The following KCNH8 variants were observed in gnomAD, a reference collection of about 807,000 sequenced individuals.
The protein encoded by KCNH8 is voltage-gated delayed rectifier potassium channel KCNH8.
KCNH8 carries 70 observed loss-of-function variants against 103.6 expected under a neutral mutation model. The ratio of observed to expected loss-of-function variants is 0.68; its 90% CI spans 0.56 to 0.82. The LOEUF is 0.82. Among genes scored for constraint, KCNH8 ranks in the 40% least tolerant of loss-of-function variants. The probability of loss-of-function intolerance (pLI) is 0.00; values close to 1 mark genes in which losing one functional copy is unlikely to be tolerated. For synonymous variants in KCNH8, 498 were observed against 489.4 expected (o/e 1.02, Z -0.23); for missense variants, 1,217 against 1,329.9 (o/e 0.92, Z 1.32).
intron 11 of KCNH8, among the ~76,000 whole-genome samples, chr3:19,497,119 T>C (rs2068459552): frequency 6.6e-6 from 1 of 152,148 alleles, no homozygotes; most frequent in South Asian, 2.1e-4. Context: ...TTTCTAATTG[T>C]GTTTATTTGG....
chr3:19,185,218 A>G, intron 1 of KCNH8, among the ~76,000 whole-genome samples: 1 of 151,974 alleles, frequency 6.6e-6, no homozygotes, highest in South Asian at 2.1e-4. Flanking sequence ...TATTTTTTAG[A>G]GTGGCAATAC....
intron 1 of KCNH8, among the ~76,000 whole-genome samples, chr3:19,168,711 C>T (rs1201046806): frequency 6.6e-6 from 1 of 152,136 alleles, no homozygotes; most frequent in African/African-American, 2.4e-5. Flanking sequence ...ATTCGTGTAA[C>T]TATCGTTTTC....
chr3:19,316,832 A>G (rs527352202), intron 3 of KCNH8, among the ~76,000 whole-genome samples: 1 of 151,958 alleles, frequency 6.6e-6, no homozygotes, highest in Admixed American at 6.6e-5. Flanking sequence ...CAGATTGCCT[A>G]CTTTTCCTTA....
At chr3:19,348,047 A>G (rs192471903) in intron 5 of KCNH8, 82 bp downstream of exon 5, 2 of 1,517,832 alleles carry the variant, frequency 1.3e-6, no homozygotes, top group Admixed American at 1.8e-5. Flanking sequence ...ATGAATTTGA[A>G]CTAAGATCCA....
intron 1 of KCNH8, among the ~76,000 whole-genome samples, chr3:19,202,912 A>G (rs1038062646): frequency 1.3e-5 from 2 of 152,142 alleles, no homozygotes; most frequent in Non-Finnish European, 2.9e-5. Flanking sequence ...CTACACACAT[A>G]TCACTAACCA....
At chr3:19,458,162 A>G (rs925496736) in intron 11 of KCNH8, among the ~76,000 whole-genome samples, 1 of 152,040 alleles carries the variant, frequency 6.6e-6, no homozygotes. Context: ...TGGCTGGGTC[A>G]GAGTTTCAAC....
chr3:19,247,849 C>T (rs141135904), intron 1 of KCNH8, among the ~76,000 whole-genome samples: 4 of 152,180 alleles, frequency 2.6e-5, no homozygotes, highest in Non-Finnish European at 5.9e-5. Flanking sequence ...TTATTACACT[C>T]GGTGCTGAGA....
chr3:19,371,356 G>T lies in KCNH8; in HGVS notation c.812-19125G>T, dbSNP rs1424270867. ...GGTTTTGACTTGCATTTCTCTGATG[G>T]CCAGTGATGATAAGCATTTTTTCAT... On this transcript the variant is annotated intron_variant, in intron 5 of 15. Coordinates refer to ENST00000328405, the MANE Select transcript of KCNH8 (RefSeq NM_144633.3). Among the ~76,000 whole-genome samples, 9 of 152,130 alleles carry T rather than the reference G, an allele frequency of 5.9e-5. No homozygotes were observed. In the South Asian group the frequency reaches 1.0e-3, roughly 18 times the overall value.
chr3:19,211,113 T>A (rs1210098172), intron 1 of KCNH8, among the ~76,000 whole-genome samples: 1 of 152,154 alleles, frequency 6.6e-6, no homozygotes, highest in Non-Finnish European at 1.5e-5. Flanking sequence ...TCTCATTTTT[T>A]AAAGTACATG....
rs1485976386 is a variant in KCNH8 at position 19,518,085 on chromosome 3, CT to C, written c.2619+14del. On this transcript the variant is annotated intron_variant, in intron 15 of 15. Coordinates refer to ENST00000328405, the MANE Select transcript of KCNH8 (RefSeq NM_144633.3). ...AAACTCAACAGTGAGGTATGGAGCT[CT>C]TTCTTTGGTCATGCCTAAATGGTAA... 3.7e-6 allele frequency: 6 copies of C among 1,604,928 alleles called. No homozygotes were observed. The highest frequency in any genetic ancestry group is 1.3e-5 in the African/African-American group (1 of 74,668).
chr3:19,395,155 C>G lies in KCNH8; in HGVS notation c.1021C>G (p.Leu341Val). Residue 341 changes from leucine to valine, a missense_variant, in exon 7 of 16, where the codon CTG becomes GTG. Leu to Val is a conservative substitution (Grantham distance 32). This residue lies in a region of KCNH8 where 415 missense variants were observed against 577.4 expected (regional missense o/e 0.72). Coordinates refer to ENST00000328405, the MANE Select transcript of KCNH8 (RefSeq NM_144633.3). ...AGTGCGCCTCTTGCGTCTTTTGCGT[C>G]TGCTGCAGAAGTTAGACCGCTATTC... Reference protein sequence around the residue: ...KTVRLLRLLRLLQKLDRYSQH... With the variant: ...KTVRLLRLLRVLQKLDRYSQH... 6.2e-7 allele frequency: 1 copy of G among 1,611,378 alleles called. No homozygotes were observed. Among genetic ancestry groups the G allele is most frequent in the South Asian group, 1.1e-5 (1 of 90,682 alleles).
chr3:19,418,198 C>T (rs1433633853), intron 7 of KCNH8, among the ~76,000 whole-genome samples: 1 of 152,120 alleles, frequency 6.6e-6, no homozygotes, highest in Non-Finnish European at 1.5e-5. Context: ...AAGGAAATCT[C>T]ACAGTGTATT....
chr3:19,353,265 C>T (rs571451514), intron 5 of KCNH8, among the ~76,000 whole-genome samples: 1 of 152,162 alleles, frequency 6.6e-6, no homozygotes, highest in East Asian at 1.9e-4. Context: ...CAAAAAAAGT[C>T]CAGGACAGAT....
chr3:19,214,214 C>T (rs1210118562), intron 1 of KCNH8, among the ~76,000 whole-genome samples: 2 of 152,168 alleles, frequency 1.3e-5, no homozygotes, highest in Non-Finnish European at 2.9e-5. Flanking sequence ...GGATTTTTTC[C>T]CTAAGCCCTA....
At chr3:19,285,650 T>G (rs114161467) in intron 3 of KCNH8, among the ~76,000 whole-genome samples, 3 of 152,160 alleles carry the variant, frequency 2.0e-5, no homozygotes, top group Non-Finnish European at 4.4e-5. Context: ...TAAGTATTAT[T>G]CCTATTCCCA....
chr3:19,183,123 A>G (rs1024683759), intron 1 of KCNH8, among the ~76,000 whole-genome samples: 1 of 152,190 alleles, frequency 6.6e-6, no homozygotes, highest in Non-Finnish European at 1.5e-5. Flanking sequence ...AAAATTTGGG[A>G]CCAGTGAAGA....
intron 1 of KCNH8, among the ~76,000 whole-genome samples, chr3:19,171,857 G>C (rs906864801): frequency 6.6e-6 from 1 of 151,914 alleles, no homozygotes; most frequent in Admixed American, 6.5e-5. Flanking sequence ...TGTTGGTGTT[G>C]GTTAGTTTGT....
chr3:19,292,788 A>C (rs766959495), intron 3 of KCNH8, among the ~76,000 whole-genome samples: 1 of 152,140 alleles, frequency 6.6e-6, no homozygotes, highest in African/African-American at 2.4e-5. Flanking sequence ...GGTGCAGACA[A>C]TAAAAAGAGT....
chr3:19,366,805 A>G (rs1334571007), intron 5 of KCNH8, among the ~76,000 whole-genome samples: 2 of 152,118 alleles, frequency 1.3e-5, no homozygotes, highest in African/African-American at 4.8e-5. Flanking sequence ...AATAGTTTTA[A>G]GATCAGTAAA....
Sources: allele counts gnomAD v4.1 joint callset (sites outside exome capture counted in the v4.1 genomes callset), GRCh38; gene constraint gnomAD v4.1.1; regional missense constraint gnomAD v4.1.1; transcripts MANE v1.5; gene names NCBI Gene and HGNC (gene_info 2026-07-23, HGNC 2026-07-21).